RYR2: variants seen among roughly 807,000 people sequenced by gnomAD.
RYR2 encodes cardiac muscle ryanodine receptor-calcium release channel.
RYR2 carries 227 observed loss-of-function variants against 601.1 expected under a neutral mutation model. The ratio of observed to expected loss-of-function variants is 0.38; its 90% CI spans 0.34 to 0.42. The LOEUF is 0.42. Among genes scored for constraint, RYR2 ranks in the 10% least tolerant of loss-of-function variants. The probability of loss-of-function intolerance (pLI) is 1.00; values close to 1 mark genes in which losing one functional copy is unlikely to be tolerated. For synonymous variants in RYR2, 2,223 were observed against 2,175.1 expected (o/e 1.02, Z -0.61); for missense variants, 4,646 against 6,156.5 (o/e 0.75, Z 8.21).
At position 237,506,973 on chromosome 1, in the gene RYR2, G is replaced by A. The variant is rs114116868; in HGVS notation, c.2718+159G>A. Among the ~76,000 whole-genome samples the A allele has an allele frequency of 0.01, 1,527 of 152,144 alleles. 29 individuals carry two copies. The highest frequency in any genetic ancestry group is 0.033 in the African/African-American group (1,363 of 41,490). On this transcript the variant is annotated intron_variant, in intron 23 of 104. Coordinates refer to ENST00000366574, the MANE Select transcript of RYR2 (RefSeq NM_001035.3). ...TTTTTGTGCAGTTTTGCCTTACTAC[G>A]TTATTGTAGTTAATGGGGCTGACAG...
chr1:237,423,671 A>G (rs565434935), intron 12 of RYR2, among the ~76,000 whole-genome samples: 1 of 152,306 alleles, frequency 6.6e-6, no homozygotes, highest in Admixed American at 6.5e-5. Flanking sequence ...GTATACAGTG[A>G]CCACAGATAT....
At chr1:237,233,674 A>G (rs532364701) in intron 1 of RYR2, among the ~76,000 whole-genome samples, 3 of 152,198 alleles carry the variant, frequency 2.0e-5, no homozygotes, top group Non-Finnish European at 4.4e-5. Context: ...TGTTATTTTG[A>G]AATGGAGTCT....
intron 1 of RYR2, among the ~76,000 whole-genome samples, chr1:237,217,790 C>A (rs1158942327): frequency 1.3e-5 from 2 of 152,164 alleles, no homozygotes; most frequent in Non-Finnish European, 2.9e-5. Context: ...CTGTGGGATG[C>A]ACCCTGAGTA....
chr1:237,333,639 G>A (rs1300067289), intron 3 of RYR2: 3 of 455,930 alleles, frequency 6.6e-6, no homozygotes, highest in Non-Finnish European at 8.8e-6. Flanking sequence ...CTGATGATAT[G>A]TGACTCATGG....
At chr1:237,508,903 C>T (rs1353361574) in intron 23 of RYR2, among the ~76,000 whole-genome samples, 4 of 150,970 alleles carry the variant, frequency 2.6e-5, no homozygotes, top group East Asian at 1.9e-4. Flanking sequence ...CTACCACGCC[C>T]GGCTAATTTT....
At chr1:237,569,644 T>C (rs1284369580) in intron 29 of RYR2, among the ~76,000 whole-genome samples, 1 of 152,212 alleles carries the variant, frequency 6.6e-6, no homozygotes, top group Non-Finnish European at 1.5e-5. Context: ...ATCAGCTGCC[T>C]AGAGCCTCTT....
rs1055970223 is a variant in RYR2 at position 237,106,042 on chromosome 1, G to A, written c.48+63473G>A. ...GAGTGTGCAGCAGGACTGGGGCACA[G>A]TGGTGGGGAGGCCAGAGGGGCTGCG... is the stretch of plus-strand genomic sequence containing the variant. On this transcript the variant is annotated intron_variant, in intron 1 of 104. Transcript: ENST00000366574. This position sits in a 1 kb window ranked among gnomAD's most constrained non-coding sequence, Gnocchi z 4.4. Among the ~76,000 whole-genome samples the A allele has an allele frequency of 6.6e-6, 1 of 152,058 alleles. No homozygotes were observed. Among genetic ancestry groups the A allele is most frequent in the Admixed American group, 6.5e-5 (1 of 15,268 alleles).
intron 2 of RYR2, among the ~76,000 whole-genome samples, chr1:237,300,714 G>C (rs1003071157): frequency 3.3e-5 from 5 of 152,148 alleles, no homozygotes; most frequent in African/African-American, 1.2e-4. Context: ...TGCAGATAGT[G>C]ATGATGATAG....
At chr1:237,147,060 G>A (rs1203069545) in intron 1 of RYR2, among the ~76,000 whole-genome samples, 1 of 151,772 alleles carries the variant, frequency 6.6e-6, no homozygotes, top group Non-Finnish European at 1.5e-5. Context: ...CAAACTTCAG[G>A]GTCAATCAGA....
At chr1:237,463,287 C>A (rs1342857818) in intron 16 of RYR2, among the ~76,000 whole-genome samples, 1 of 152,050 alleles carries the variant, frequency 6.6e-6, no homozygotes, top group African/African-American at 2.4e-5. Flanking sequence ...ACCTCCAGCA[C>A]CTAGAACAAT....
rs761773793 is a variant in RYR2 at position 237,595,638 on chromosome 1, A to T, written c.4577A>T (p.Glu1526Val). 6.2e-7 allele frequency: 1 copy of T among 1,613,012 alleles called. No individual in the cohort carries two copies. Among genetic ancestry groups the T allele is most frequent in the South Asian group, 1.1e-5 (1 of 90,824 alleles). The change falls in exon 34 of 105, where the codon GAA (glutamate) becomes GTA (valine). Residue 1526 changes from glutamate to valine, a missense_variant. By Grantham distance (121) the Glu-to-Val change is moderately radical (BLOSUM62 -2). Transcript: ENST00000366574. ...CTCACATTCATTGCCAATGGCAAGG[A>T]ACTGAGCACATACTATCAGGTACGC... ...GLLTFIANGK[E>V]LSTYYQVEPS... is the part of the protein sequence containing the mutation.
intron 100 of RYR2, among the ~76,000 whole-genome samples, chr1:237,817,585 C>T (rs959839835): frequency 4.6e-5 from 7 of 152,076 alleles, no homozygotes; most frequent in Non-Finnish European, 8.8e-5. Context: ...AGAAAAAGAT[C>T]CAGGCTGGAA....
At chr1:237,785,152 T>G (rs1695447062) in intron 90 of RYR2, 180 bp downstream of exon 90, 2 of 623,554 alleles carry the variant, frequency 3.2e-6, no homozygotes, top group East Asian at 2.7e-5. Context: ...TATGAATTAT[T>G]AAATTATCTT....
At chr1:237,607,341 G>A (rs898828262) in intron 35 of RYR2, among the ~76,000 whole-genome samples, 4 of 150,856 alleles carry the variant, frequency 2.7e-5, no homozygotes, top group Non-Finnish European at 5.9e-5. Context: ...ACCACACACC[G>A]CATGTTCTTA....
At position 237,700,251 on chromosome 1, in the gene RYR2, G is replaced by A; in HGVS notation, c.9151G>A (p.Glu3051Lys). Residue 3051 changes from glutamate (E) to lysine (K), a missense_variant, in exon 65 of 105, where the codon GAG (glutamate) becomes AAG (lysine). Around this residue, in one of 17 missense-constraint regions of RYR2, gnomAD observed 1,497 missense variants for 1,842.6 expected, o/e 0.81. Transcript: ENST00000366574. ...TAGGACAGTGATGAAGACTGGCCTG[G>A]AGAGTGTTAAAAGTGCACTCAGAGC... is the stretch of plus-strand genomic sequence containing the variant. ...DARTVMKTGL[E>K]SVKSALRAFL... 1 of 1,572,000 alleles carries A rather than the reference G, an allele frequency of 6.4e-7. No homozygotes were observed. The highest frequency in any genetic ancestry group is 8.6e-7 in the Non-Finnish European group (1 of 1,157,200).
chr1:237,679,571 G>C (rs528535102), intron 61 of RYR2, among the ~76,000 whole-genome samples: 10 of 152,174 alleles, frequency 6.6e-5, no homozygotes, highest in Non-Finnish European at 1.3e-4. Flanking sequence ...GAAGAGACCA[G>C]TTAATAGTTC....
intron 10 of RYR2, among the ~76,000 whole-genome samples, chr1:237,397,782 C>A (rs187526702): frequency 2.0e-5 from 3 of 149,506 alleles, no homozygotes; most frequent in Admixed American, 1.3e-4. Flanking sequence ...AGTGCAGTGG[C>A]GCCATCTCGG....
intron 1 of RYR2, among the ~76,000 whole-genome samples, chr1:237,116,271 G>A (rs2148617774): frequency 6.6e-6 from 1 of 152,256 alleles, no homozygotes; most frequent in East Asian, 1.9e-4. Flanking sequence ...TCCAAGGGGA[G>A]CCGAGACAGC....
At chr1:237,127,204 A>G (rs1571933873) in intron 1 of RYR2, among the ~76,000 whole-genome samples, 1 of 152,284 alleles carries the variant, frequency 6.6e-6, no homozygotes, top group African/African-American at 2.4e-5. Context: ...AGACAGGGCA[A>G]CCATCCGATT....
Sources: allele counts gnomAD v4.1 joint callset (sites outside exome capture counted in the v4.1 genomes callset), GRCh38; gene constraint gnomAD v4.1.1; regional missense constraint gnomAD v4.1.1; non-coding constraint Gnocchi (gnomAD v3.1); transcripts MANE v1.5; gene names NCBI Gene and HGNC (gene_info 2026-07-23, HGNC 2026-07-21).